The following IMMP2L variants were observed in gnomAD, a reference collection of about 807,000 sequenced individuals.
IMMP2L encodes the protein inner mitochondrial membrane peptidase subunit 2, also known as mitochondrial inner membrane protease subunit 2.
IMMP2L carries 18 observed loss-of-function variants against 19.3 expected under a neutral mutation model. The ratio of observed to expected loss-of-function variants is 0.93; its 90% CI spans 0.64 to 1.38. The LOEUF (loss-of-function observed/expected upper bound fraction) is 1.38. Among genes scored for constraint, IMMP2L ranks in the 40% most tolerant of loss-of-function variants. The pLI is 0.00. For missense variants in IMMP2L, 233 were observed against 218.2 expected (o/e 1.07, Z -0.43); for synonymous variants, 76 against 73.0 (o/e 1.04, Z -0.21).
rs565118634 is a variant in IMMP2L at position 111,411,598 on chromosome 7, C to G, written c.239+75640G>C. 44 of 302,310 alleles carry G rather than the reference C, an allele frequency of 1.5e-4. 1 individual carries two copies. The South Asian group carries it at 1.5e-3, about 11-fold the overall frequency. The allele number at this position is 302,310 out of a possible 1,614,324, so 18.7% of individuals were successfully genotyped here. A position where few individuals can be genotyped will look rare whatever the true frequency, so the allele number is the denominator to read the frequency against. ...AGGCTGATTTAGACATCGAGGACTT[C>G]ACTATGGATCGGGAAGTGCACAAAA... On this transcript the variant is annotated intron_variant, in intron 3 of 5. Transcript: ENST00000405709.
chr7:111,471,719 T>C (rs929756738), intron 3 of IMMP2L, among the ~76,000 whole-genome samples: 1 of 152,160 alleles, frequency 6.6e-6, no homozygotes, highest in Admixed American at 6.5e-5. Context: ...TCACGTTATA[T>C]TTCTTTTGAA....
chr7:110,920,348 G>A (rs1389657288), intron 4 of IMMP2L, among the ~76,000 whole-genome samples: 1 of 152,186 alleles, frequency 6.6e-6, no homozygotes, highest in Non-Finnish European at 1.5e-5. Flanking sequence ...ACAGAAAGAT[G>A]TGGTAAGTGA....
chr7:111,343,330 C>T (rs1211854742), intron 3 of IMMP2L, among the ~76,000 whole-genome samples: 1 of 152,060 alleles, frequency 6.6e-6, no homozygotes, highest in Admixed American at 6.6e-5. Flanking sequence ...TTTCTCTAGT[C>T]TCTCTGAACT....
intron 3 of IMMP2L, among the ~76,000 whole-genome samples, chr7:111,000,907 C>T (rs1024522356): frequency 7.3e-5 from 11 of 150,948 alleles, no homozygotes; most frequent in African/African-American, 2.4e-4. Context: ...GGAAATTCCA[C>T]CAATATTTTG....
chr7:110,895,268 T>C (rs1274239651), intron 4 of IMMP2L, among the ~76,000 whole-genome samples: 2 of 152,156 alleles, frequency 1.3e-5, no homozygotes, highest in African/African-American at 4.8e-5. Context: ...TTCCACTGGG[T>C]TCCTCCCATG....
At chr7:111,448,502 G>C (rs1168278278) in intron 3 of IMMP2L, among the ~76,000 whole-genome samples, 4 of 139,746 alleles carry the variant, frequency 2.9e-5, no homozygotes, top group Non-Finnish European at 4.6e-5. Context: ...GATGTTCTTT[G>C]AAACCAACGA....
intron 3 of IMMP2L, among the ~76,000 whole-genome samples, chr7:111,446,448 C>A (rs543488397): frequency 0.012 from 1,784 of 149,494 alleles, 35 homozygotes; most frequent in African/African-American, 0.043. Context: ...CAGGGGCACA[C>A]TGACACCTCA....
chr7:111,278,035 A>C (rs1023828389), intron 3 of IMMP2L, among the ~76,000 whole-genome samples: 1 of 152,146 alleles, frequency 6.6e-6, no homozygotes, highest in African/African-American at 2.4e-5. Flanking sequence ...CAATGGGTAC[A>C]TATGGACCGT....
intron 3 of IMMP2L, among the ~76,000 whole-genome samples, chr7:111,466,089 A>G (rs1023914313): frequency 1.3e-5 from 2 of 152,058 alleles, no homozygotes; most frequent in Non-Finnish European, 2.9e-5. Flanking sequence ...AAAACCAAAC[A>G]CCACTTGTTC....
intron 5 of IMMP2L, among the ~76,000 whole-genome samples, chr7:110,705,319 A>G (rs543048740): frequency 6.6e-6 from 1 of 152,164 alleles, no homozygotes; most frequent in Non-Finnish European, 1.5e-5. Context: ...GAGTAAACAC[A>G]TGATTATGTC....
At chr7:110,733,541 A>G (rs201925791) in intron 5 of IMMP2L, among the ~76,000 whole-genome samples, 1 of 72,402 alleles carries the variant, frequency 1.4e-5, no homozygotes, top group Non-Finnish European at 4.3e-5. Flanking sequence ...AGAAAGAGAG[A>G]AGGACAGATT....
In IMMP2L at chr7:111,223,438, T is replaced by C. The variant is rs182691196; in HGVS notation, c.240-259873A>G. Among the ~76,000 whole-genome samples, 19 of 152,220 alleles carry C rather than the reference T, an allele frequency of 1.2e-4. No individual in the cohort carries two copies. The East Asian group carries it at 3.5e-3, about 28-fold the overall frequency. ...AAGTCTAATTAAGCACAATGAACTC[T>C]AGGAAGTGTTCAATCCTCTTGGCCA... is the stretch of plus-strand genomic sequence containing the variant. On this transcript the variant is annotated intron_variant, in intron 3 of 5. Coordinates refer to ENST00000405709, the MANE Select transcript of IMMP2L (RefSeq NM_032549.4).
At chr7:111,251,252 A>G (rs753537228) in intron 3 of IMMP2L, among the ~76,000 whole-genome samples, 2 of 152,118 alleles carry the variant, frequency 1.3e-5, no homozygotes, top group South Asian at 2.1e-4. Context: ...GAAACAACAA[A>G]TGATGGCCAG....
intron 3 of IMMP2L, among the ~76,000 whole-genome samples, chr7:111,445,628 A>T (rs1005807828): frequency 6.6e-6 from 1 of 152,190 alleles, no homozygotes; most frequent in South Asian, 2.1e-4. Flanking sequence ...TTCAGATTAC[A>T]TGATCCCTTT....
Position 110,663,648 on chromosome 7 carries a change from G to A in IMMP2L, c.482C>T (p.Ser161Phe). Reference sequence around the variant, plus strand: ...TGGTAAGCGCTCTGGAGGAAGAACAGATTCCAATTTCTGCCAGCGCTCTGG... The same window carrying A: ...TGGTAAGCGCTCTGGAGGAAGAACAAATTCCAATTTCTGCCAGCGCTCTGG... Reference protein sequence around the residue: ...WPPERWQKLESVLPPERLPVQ... With the variant: ...WPPERWQKLEFVLPPERLPVQ... The change falls in exon 6 of 6, where the codon TCT becomes TTT. Residue 161 changes from serine (S) to phenylalanine (F), a missense_variant. Ser to Phe is a radical substitution (Grantham distance 155). Coordinates refer to ENST00000405709, the MANE Select transcript of IMMP2L (RefSeq NM_032549.4). 1.9e-6 allele frequency: 3 copies of A among 1,611,840 alleles called. No homozygotes were observed. The highest frequency in any genetic ancestry group is 2.5e-6 in the Non-Finnish European group (3 of 1,178,478).
rs545672613 is a variant in IMMP2L, at chr7:111,034,621, G to A, written c.240-71056C>T. Among the ~76,000 whole-genome samples the A allele has an allele frequency of 3.3e-5, 5 of 151,982 alleles. No individual in the cohort carries two copies. The South Asian group carries it at 6.2e-4, about 19-fold the overall frequency. On this transcript the variant is annotated intron_variant, in intron 3 of 5. Transcript: ENST00000405709. ...GGCTGTAGAGAAAATTCTATATTGC[G>A]GTATATAGCAATATCTAGGGATTAA...
At chr7:110,777,585 T>C (rs1799476572) in intron 5 of IMMP2L, among the ~76,000 whole-genome samples, 1 of 152,024 alleles carries the variant, frequency 6.6e-6, no homozygotes, top group Admixed American at 6.6e-5. Flanking sequence ...GCTGCAGAGC[T>C]GGAGAATGAA....
intron 3 of IMMP2L, among the ~76,000 whole-genome samples, chr7:111,461,583 T>C (rs1456335599): frequency 6.6e-6 from 1 of 152,088 alleles, no homozygotes; most frequent in African/African-American, 2.4e-5. Flanking sequence ...TCTTTGTTTG[T>C]ACATTGACTT....
At chr7:111,093,882 T>G (rs1797126232) in intron 3 of IMMP2L, among the ~76,000 whole-genome samples, 1 of 152,012 alleles carries the variant, frequency 6.6e-6, no homozygotes, top group South Asian at 2.1e-4. Flanking sequence ...TTTTTCAGGG[T>G]GTCGCTTGTC....
Sources: allele counts gnomAD v4.1 joint callset (sites outside exome capture counted in the v4.1 genomes callset), GRCh38; gene constraint gnomAD v4.1.1; transcripts MANE v1.5; gene names NCBI Gene and HGNC (gene_info 2026-07-23, HGNC 2026-07-21).